XPNPEP1: variants seen among roughly 807,000 people sequenced by gnomAD.
The protein encoded by XPNPEP1 is xaa-Pro aminopeptidase 1.
Under a neutral mutation model 92.4 loss-of-function variants are expected in XPNPEP1, and 39 were observed. The ratio of observed to expected loss-of-function variants is 0.42; its 90% CI spans 0.33 to 0.55. The LOEUF (loss-of-function observed/expected upper bound fraction) is 0.55, where lower values mean the gene tolerates loss of function less well. Ranked by LOEUF, XPNPEP1 falls within the 20% of genes least tolerant of loss-of-function variation. The pLI is 0.08. For synonymous variants in XPNPEP1, 307 were observed against 299.4 expected (o/e 1.03, Z -0.26); for missense variants, 654 against 856.1 (o/e 0.76, Z 2.95).
chr10:109,870,594 T>C (rs112070225), intron 18 of XPNPEP1, 137 bp downstream of exon 18: 2 of 1,168,724 alleles, frequency 1.7e-6, no homozygotes, highest in African/African-American at 3.1e-5. Context: ...CATGTATCAG[T>C]TCTATAATCA....
chr10:109,869,909 T>G, intron 19 of XPNPEP1, 44 bp downstream of exon 19: 1 of 1,599,976 alleles, frequency 6.3e-7, no homozygotes, highest in Non-Finnish European at 8.6e-7. Context: ...CGAGGCGTGA[T>G]TATTGCTAAT....
chr10:109,875,773 C>T, intron 14 of XPNPEP1, 174 bp from the exon 15 acceptor site: 1 of 541,750 alleles, frequency 1.8e-6, no homozygotes, highest in Non-Finnish European at 3.2e-6. Context: ...TAAACTTCTA[C>T]TTTTCAAAGA....
rs1848780246 is a variant in XPNPEP1 at position 109,892,958 on chromosome 10, T to C, written c.310+54A>G. 3.2e-6 allele frequency: 5 copies of C among 1,574,260 alleles called. No homozygotes were observed. In the Admixed American group the frequency reaches 5.2e-5, roughly 16 times the overall value. ...CACAGGCTGAAACTCGGTTCAGTTATTTTTAGGAGGCGAACAAAGGTGCAG... is the reference window on the plus strand; with the variant it reads ...CACAGGCTGAAACTCGGTTCAGTTACTTTTAGGAGGCGAACAAAGGTGCAG... On this transcript the variant is annotated intron_variant, in intron 4 of 20. Transcript: ENST00000502935.
intron 5 of XPNPEP1, among the ~76,000 whole-genome samples, chr10:109,889,685 A>C (rs1173835803): frequency 6.6e-6 from 1 of 152,258 alleles, no homozygotes; most frequent in Non-Finnish European, 1.5e-5. Context: ...TTAACCAATG[A>C]GGTTTTGGCC....
chr10:109,923,424 A>G lies in XPNPEP1; in HGVS notation c.10T>C (p.Ser4Pro). MAA[S>P]RKPPRVRVNH... ...CACCTTACTCGCGGTGGCTTTCTGG[A>G]GGCTGCCATTCGGCGGTGACGTGCC... The change falls in exon 1 of 21, where the codon TCC (serine) becomes CCC (proline). Residue 4 changes from serine (S) to proline (P), a missense_variant. By Grantham distance (74) the Ser-to-Pro change is moderately conservative. Transcript: ENST00000502935. 1.4e-6 allele frequency: 2 copies of G among 1,442,422 alleles called. No individual in the cohort carries two copies. Among genetic ancestry groups the G allele is most frequent in the African/African-American group, 1.5e-5 (1 of 67,300 alleles). The allele number at this position is 1,442,422 out of a possible 1,614,324, so 89.4% of individuals were successfully genotyped here.
At chr10:109,886,523 G>T (rs528772235) in intron 7 of XPNPEP1, among the ~76,000 whole-genome samples, 182 bp from the exon 8 acceptor site, 1 of 152,202 alleles carries the variant, frequency 6.6e-6, no homozygotes, top group Non-Finnish European at 1.5e-5. Context: ...CTTGACTGTC[G>T]TGAGCCTTGA....
chr10:109,878,666 T>C (rs1286752113), intron 12 of XPNPEP1, among the ~76,000 whole-genome samples: 6 of 152,064 alleles, frequency 3.9e-5, no homozygotes, highest in Non-Finnish European at 4.4e-5. Flanking sequence ...GATAGGTGGA[T>C]CGCTTGAGCC....
rs1847227766 is a variant in XPNPEP1, at chr10:109,867,910, C to T, written c.1872+704G>A. Among the ~76,000 whole-genome samples, 3 of 152,208 alleles carry T rather than the reference C, an allele frequency of 2.0e-5. No individual in the cohort carries two copies. Among genetic ancestry groups the T allele is most frequent in the African/African-American group, 7.2e-5 (3 of 41,450 alleles). On this transcript the variant is annotated intron_variant, in intron 20 of 20. Coordinates refer to ENST00000502935, the MANE Select transcript of XPNPEP1 (RefSeq NM_020383.4). This position sits in a 1 kb window ranked among gnomAD's most constrained non-coding sequence, Gnocchi z 4.5. ...AACAGTTCCTACCCCATTTCTGACC[C>T]TTGTTTCTGCTCTGACCTTGAACAT...
intron 12 of XPNPEP1, among the ~76,000 whole-genome samples, chr10:109,879,143 G>A (rs949252156): frequency 6.6e-6 from 1 of 151,940 alleles, no homozygotes; most frequent in African/African-American, 2.4e-5. Context: ...TCGGGAGGCT[G>A]AGGCAGGAGA....
chr10:109,868,747 C>T, intron 19 of XPNPEP1, 35 bp from the exon 20 acceptor site: 1 of 1,580,134 alleles, frequency 6.3e-7, no homozygotes, highest in South Asian at 1.1e-5. Flanking sequence ...TGCTTTTACT[C>T]CTCTTTACTA....
At position 109,877,864 on chromosome 10, in the gene XPNPEP1, T is replaced by C. The variant is rs750775024; in HGVS notation, c.1245A>G (p.Gln415=). Residue 415 remains glutamine, a synonymous_variant, in exon 14 of 21, where the codon CAA becomes CAG. Coordinates refer to ENST00000502935, the MANE Select transcript of XPNPEP1 (RefSeq NM_020383.4). The part of the protein sequence containing the change: ...AADKAEEFRR[Q]QADFVDLSFP... ...AGCTCAGGTCCACAAAGTCTGCCTG[T>C]TGCCTGTAACAGAAAGACAGAAAGC... 3.7e-6 allele frequency: 6 copies of C among 1,614,234 alleles called. No homozygotes were observed. Among genetic ancestry groups the C allele is most frequent in the South Asian group, 2.2e-5 (2 of 91,086 alleles).
chr10:109,911,274 G>C (rs1287116237), intron 2 of XPNPEP1, among the ~76,000 whole-genome samples: 2 of 152,308 alleles, frequency 1.3e-5, no homozygotes, highest in East Asian at 1.9e-4. Context: ...ATATTGTTCA[G>C]AGGGGCATTC....
intron 3 of XPNPEP1, among the ~76,000 whole-genome samples, chr10:109,900,124 C>T (rs963480543): frequency 6.6e-6 from 1 of 152,174 alleles, no homozygotes; most frequent in Middle Eastern, 3.2e-3. Context: ...CAAGTCCTTG[C>T]GTAATTATGC....
Position 109,888,249 on chromosome 10 carries a change from G to A in XPNPEP1, c.509-57C>T, listed in dbSNP as rs1040110270. On this transcript the variant is annotated intron_variant, in intron 6 of 20. Transcript: ENST00000502935. Reference sequence around the variant, plus strand: ...CCGAACGCCCATTGCAGCAGGGCAGGGAGCAGGGCCTTGAAAGTCCAGAAC... The same window carrying A: ...CCGAACGCCCATTGCAGCAGGGCAGAGAGCAGGGCCTTGAAAGTCCAGAAC... 2.2e-5 allele frequency: 34 copies of A among 1,577,310 alleles called. No individual in the cohort carries two copies. In the Admixed American group the frequency reaches 4.7e-4, roughly 22 times the overall value.
Position 109,882,419 on chromosome 10 carries a change from T to C in XPNPEP1, c.1041+13A>G, listed in dbSNP as rs777625209. The C allele has an allele frequency of 6.2e-7, 1 of 1,606,688 alleles. No homozygotes were observed. Among genetic ancestry groups the C allele is most frequent in the Non-Finnish European group, 8.5e-7 (1 of 1,174,198 alleles). On this transcript the variant is annotated intron_variant, in intron 10 of 20. Transcript: ENST00000502935. Reference sequence around the variant, plus strand: ...GTGGCAGAGTTTAGATGGGCCAAAGTGGGGTCACCAACCTTGGGGATGGTC... The same window carrying C: ...GTGGCAGAGTTTAGATGGGCCAAAGCGGGGTCACCAACCTTGGGGATGGTC...
At chr10:109,908,519 T>C (rs1485683936) in intron 2 of XPNPEP1, among the ~76,000 whole-genome samples, 1 of 152,180 alleles carries the variant, frequency 6.6e-6, no homozygotes, top group East Asian at 1.9e-4. Flanking sequence ...GGGGAATCAC[T>C]TGCACTCAGG....
intron 2 of XPNPEP1, among the ~76,000 whole-genome samples, chr10:109,914,575 T>C (rs1226340498): frequency 6.6e-6 from 1 of 152,110 alleles, no homozygotes; most frequent in Non-Finnish European, 1.5e-5. Context: ...GGCGGGCAGA[T>C]CACCTGAGGT....
intron 3 of XPNPEP1, among the ~76,000 whole-genome samples, chr10:109,899,219 G>C (rs2133481515): frequency 6.6e-6 from 1 of 152,308 alleles, no homozygotes; most frequent in South Asian, 2.1e-4. Context: ...CTGGAAAGTA[G>C]CTGCCCAGCC....
At chr10:109,886,161 GT>G in intron 8 of XPNPEP1, 84 bp downstream of exon 8, 1 of 1,385,268 alleles carries the variant, frequency 7.2e-7, no homozygotes, top group Non-Finnish European at 1.0e-6. Flanking sequence ...CACTCAGAAA[GT>G]TGAATGGCAT....
Sources: allele counts gnomAD v4.1 joint callset (sites outside exome capture counted in the v4.1 genomes callset), GRCh38; gene constraint gnomAD v4.1.1; non-coding constraint Gnocchi (gnomAD v3.1); transcripts MANE v1.5; gene names NCBI Gene and HGNC (gene_info 2026-07-23, HGNC 2026-07-21).